The following GRID2IP variants were observed in gnomAD, a reference collection of about 807,000 sequenced individuals.
The protein encoded by GRID2IP is delphilin.
Under a neutral mutation model 114.3 loss-of-function variants are expected in GRID2IP, and 78 were observed. The ratio of observed to expected loss-of-function variants is 0.68; its 90% CI spans 0.57 to 0.82. The LOEUF is 0.82. GRID2IP is among the 40% of genes least tolerant of loss of function. The probability of loss-of-function intolerance (pLI) is 0.00; values close to 1 mark genes in which losing one functional copy is unlikely to be tolerated. For missense variants in GRID2IP, 1,727 were observed against 1,678.5 expected (o/e 1.03, Z -0.51); for synonymous variants, 809 against 724.0 (o/e 1.12, Z -1.89).
At chr7:6,513,371 C>T (rs1248199131) in intron 8 of GRID2IP, among the ~76,000 whole-genome samples, 1 of 145,614 alleles carries the variant, frequency 6.9e-6, no homozygotes, top group African/African-American at 2.6e-5. Context: ...TGCATCACAC[C>T]TGGCTAAATT....
At position 6,501,910 on chromosome 7, in the gene GRID2IP, G is replaced by A; in HGVS notation, c.3281-11C>T. 6.4e-7 allele frequency: 1 copy of A among 1,551,244 alleles called. No individual in the cohort carries two copies. Among genetic ancestry groups the A allele is most frequent in the Non-Finnish European group, 8.7e-7 (1 of 1,146,776 alleles). On this transcript the variant is annotated splice_polypyrimidine_tract_variant and intron_variant, in intron 19 of 21. Coordinates refer to ENST00000457091, the MANE Select transcript of GRID2IP (RefSeq NM_001145118.2). Reference sequence around the variant, plus strand: ...GGGCCCGTTGGTTCACTGTAGGGAAGAGGACAGGGGCTGCATGGGGCCACT... The same window carrying A: ...GGGCCCGTTGGTTCACTGTAGGGAAAAGGACAGGGGCTGCATGGGGCCACT...
chr7:6,510,076 T>C (rs535197217), intron 11 of GRID2IP, among the ~76,000 whole-genome samples: 1 of 152,248 alleles, frequency 6.6e-6, no homozygotes, highest in South Asian at 2.1e-4. Flanking sequence ...TTGATCCTCC[T>C]GCCTCGGCCT....
chr7:6,525,797 C>G (rs1486720839), intron 4 of GRID2IP, among the ~76,000 whole-genome samples: 1 of 152,116 alleles, frequency 6.6e-6, no homozygotes, highest in African/African-American at 2.4e-5. Context: ...AGGCAAGAAC[C>G]CAGTTCAGCG....
In GRID2IP at chr7:6,502,863, C is replaced by G; in HGVS notation, c.3073G>C (p.Ala1025Pro). The G allele has an allele frequency of 6.4e-7, 1 of 1,551,652 alleles. No homozygotes were observed. The highest frequency in any genetic ancestry group is 8.7e-7 in the Non-Finnish European group (1 of 1,146,738). Reference protein sequence around the residue: ...KLAKILEFVLAMGNYLNDGQP... With the variant: ...KLAKILEFVLPMGNYLNDGQP... ...CCATCGTTGAGATAGTTGCCCATGG[C>G]CAACACAAACTGTGGACAAGAAGGT... is the stretch of plus-strand genomic sequence containing the variant. Residue 1025 changes from alanine (A) to proline (P), a missense_variant, in exon 18 of 22, where the codon GCC becomes CCC. Ala to Pro is a conservative substitution (Grantham distance 27, BLOSUM62 -1). Coordinates refer to ENST00000457091, the MANE Select transcript of GRID2IP (RefSeq NM_001145118.2).
At chr7:6,549,477 A>C (rs1204719616) in intron 1 of GRID2IP, among the ~76,000 whole-genome samples, 3 of 152,212 alleles carry the variant, frequency 2.0e-5, no homozygotes, top group African/African-American at 7.2e-5. Context: ...CAAAGTCAAG[A>C]GGAAATGCCT....
intron 8 of GRID2IP, among the ~76,000 whole-genome samples, chr7:6,511,390 G>C (rs1264732024): frequency 6.7e-6 from 1 of 149,652 alleles, no homozygotes; most frequent in Non-Finnish European, 1.5e-5. Flanking sequence ...TTTTTTTTTT[G>C]AGACTGAGTT....
intron 7 of GRID2IP, among the ~76,000 whole-genome samples, chr7:6,515,703 A>C (rs1779281790): frequency 6.9e-6 from 1 of 144,412 alleles, no homozygotes; most frequent in Non-Finnish European, 1.5e-5. Flanking sequence ...GCCTCGCCTG[A>C]GCTCGGGGAG....
intron 1 of GRID2IP, among the ~76,000 whole-genome samples, chr7:6,542,864 G>C (rs1779833975): frequency 6.6e-6 from 1 of 152,156 alleles, no homozygotes; most frequent in African/African-American, 2.4e-5. Flanking sequence ...CCCTTCCCTT[G>C]TTGGCTGAGG....
chr7:6,546,930 C>T (rs1244630782), intron 1 of GRID2IP, among the ~76,000 whole-genome samples: 7 of 152,138 alleles, frequency 4.6e-5, no homozygotes, highest in Non-Finnish European at 1.0e-4. Context: ...GCAGGCATTA[C>T]TCGCACTCAC....
rs1033046532 is a variant in GRID2IP, at chr7:6,525,219, A to C, written c.919+1005T>G. 4.0e-5 allele frequency among the ~76,000 whole-genome samples: 6 copies of C among 151,874 alleles called. No homozygotes were observed. In the South Asian group the frequency reaches 1.2e-3, roughly 32 times the overall value. On this transcript the variant is annotated intron_variant, in intron 4 of 21. Coordinates refer to ENST00000457091, the MANE Select transcript of GRID2IP (RefSeq NM_001145118.2). ...CTACTCAGGAGGCTGAGGCAGGAGAATCGCTTGCACCTGGGAGGCAGAGGC... is the reference window on the plus strand; with the variant it reads ...CTACTCAGGAGGCTGAGGCAGGAGACTCGCTTGCACCTGGGAGGCAGAGGC...
chr7:6,497,861 A>G lies in GRID2IP; in HGVS notation c.3565-16T>C. The stretch of plus-strand genomic sequence containing the variant: ...TCAGCGCTCGCTGGGGAGGGGGAAC[A>G]CAGAGGTAGGGTGGTCAGTGGTCCC... On this transcript the variant is annotated splice_polypyrimidine_tract_variant and intron_variant, in intron 21 of 21. Transcript: ENST00000457091. 1 of 1,547,622 alleles carries G rather than the reference A, an allele frequency of 6.5e-7. No individual in the cohort carries two copies. Among genetic ancestry groups the G allele is most frequent in the Non-Finnish European group, 8.7e-7 (1 of 1,144,840 alleles).
chr7:6,515,269 C>T (rs1355471356), intron 7 of GRID2IP, among the ~76,000 whole-genome samples: 1 of 151,356 alleles, frequency 6.6e-6, no homozygotes, highest in Admixed American at 6.6e-5. Context: ...CAAGACCAGT[C>T]TGGCCAACAT....
At chr7:6,514,660 C>CTTCTGT in intron 7 of GRID2IP, 131 bp from the exon 8 acceptor site, 1 of 767,914 alleles carries the variant, frequency 1.3e-6, no homozygotes, top group Non-Finnish European at 1.9e-6. Context: ...CCTTCAAAGA[C>CTTCTGT]AGAAGTGGGG....
In GRID2IP at chr7:6,511,526, C is replaced by CA. The variant is rs1215239394; in HGVS notation, c.1424-488_1424-487insT. On this transcript the variant is annotated intron_variant, in intron 8 of 21. Coordinates refer to ENST00000457091, the MANE Select transcript of GRID2IP (RefSeq NM_001145118.2). ...TAGCTGGGATTACAGGTGTCCGTCA[C>CA]CATGCCTGGCTAATTTTTGTATTTT... is the stretch of plus-strand genomic sequence containing the variant. Among the ~76,000 whole-genome samples the CA allele has an allele frequency of 1.5e-3, 227 of 152,116 alleles. 5 individuals carry two copies. In the South Asian group the frequency reaches 0.024, roughly 16 times the overall value.
rs1316090651 is a variant in GRID2IP, at chr7:6,506,087, G to T, written c.2545-180C>A. 6.6e-6 allele frequency among the ~76,000 whole-genome samples: 1 copy of T among 152,226 alleles called. No homozygotes were observed. The highest frequency in any genetic ancestry group is 1.5e-5 in the Non-Finnish European group (1 of 68,042). On this transcript the variant is annotated intron_variant, in intron 13 of 21. Transcript: ENST00000457091. This position sits in a 1 kb window ranked among gnomAD's most constrained non-coding sequence, Gnocchi z 5.2. ...AGAAGCCAGATCATCCGAGTCACCG[G>T]GTGCTGAGCCAGCGCCTCCTGGGGT...
chr7:6,546,871 G>T (rs1779897115), intron 1 of GRID2IP, among the ~76,000 whole-genome samples: 1 of 152,076 alleles, frequency 6.6e-6, no homozygotes, highest in African/African-American at 2.4e-5. Context: ...GGGATTAGAT[G>T]GAGTCTGGGA....
chr7:6,541,025 A>G (rs1239414262), intron 1 of GRID2IP, among the ~76,000 whole-genome samples: 1 of 151,728 alleles, frequency 6.6e-6, no homozygotes, highest in East Asian at 1.9e-4. Flanking sequence ...ATAATCCCTC[A>G]TCTACTTAAA....
At position 6,519,486 on chromosome 7, in the gene GRID2IP, G is replaced by T. The variant is rs1170432061; in HGVS notation, c.1268+1092C>A. Among the ~76,000 whole-genome samples the T allele has an allele frequency of 6.6e-6, 1 of 151,968 alleles. No individual in the cohort carries two copies. Among genetic ancestry groups the T allele is most frequent in the South Asian group, 2.1e-4 (1 of 4,826 alleles). On this transcript the variant is annotated intron_variant, in intron 7 of 21. Transcript: ENST00000457091. The surrounding 1 kb of genome is among the most constrained non-coding windows in gnomAD (Gnocchi z 4.1). ...AACAAAACCAAACCAGGCCAGGTGC[G>T]GTGACTCATGCCTGTAATCCCAGCA...
Position 6,538,888 on chromosome 7 carries a change from TGAAAGAAA to T in GRID2IP, c.584+822_584+829del, listed in dbSNP as rs1779770926. Reference sequence around the variant, plus strand: ...GACTCTGTCTGAAAAGAAAGGAAGATGAAAGAAAGAGAGAAAGAGAGAGAGAGAGAAGA... The same window carrying T: ...GACTCTGTCTGAAAAGAAAGGAAGATGAGAGAAAGAGAGAGAGAGAGAAGA... On this transcript the variant is annotated intron_variant, in intron 2 of 21. Coordinates refer to ENST00000457091, the MANE Select transcript of GRID2IP (RefSeq NM_001145118.2). Among the ~76,000 whole-genome samples the T allele has an allele frequency of 3.4e-5, 5 of 147,770 alleles. No homozygotes were observed. In the South Asian group the frequency reaches 1.1e-3, roughly 32 times the overall value.
Sources: allele counts gnomAD v4.1 joint callset (sites outside exome capture counted in the v4.1 genomes callset), GRCh38; gene constraint gnomAD v4.1.1; non-coding constraint Gnocchi (gnomAD v3.1); transcripts MANE v1.5; gene names NCBI Gene and HGNC (gene_info 2026-07-23, HGNC 2026-07-21).